The following NKD1 variants were observed in gnomAD, a reference collection of about 807,000 sequenced individuals.
The protein encoded by NKD1 is protein naked cuticle homolog 1.
Under a neutral mutation model 56.0 loss-of-function variants are expected in NKD1, and 21 were observed. The ratio of observed to expected loss-of-function variants is 0.38; its 90% CI spans 0.27 to 0.54. The LOEUF is 0.54. Ranked by LOEUF, NKD1 falls within the 20% of genes least tolerant of loss-of-function variation. The pLI is 0.82. For synonymous variants in NKD1, 263 were observed against 265.7 expected, an observed-to-expected ratio of 0.99 and a Z score of 0.10; for missense variants, 578 against 642.7, an observed-to-expected ratio of 0.90 and a Z score of 1.09.
In NKD1 at chr16:50,568,964, G is replaced by T. The variant is rs541995848; in HGVS notation, c.192+19409G>T. Among the ~76,000 whole-genome samples, 54 of 152,288 alleles carry T rather than the reference G, an allele frequency of 3.5e-4. No individual in the cohort carries two copies. The South Asian group carries it at 0.011, about 32-fold the overall frequency. On this transcript the variant is annotated intron_variant, in intron 3 of 9. Coordinates refer to ENST00000268459, the MANE Select transcript of NKD1 (RefSeq NM_033119.5). The stretch of plus-strand genomic sequence containing the variant: ...TTGCTTCTGACCATAATCCCTTTAA[G>T]TTGGGCAGTTGGAGAAGGTTGATTT...
rs898586277 is a variant in NKD1, at chr16:50,598,715, G to T, written c.193-9579G>T. Among the ~76,000 whole-genome samples the T allele has an allele frequency of 1.2e-4, 18 of 152,344 alleles. No individual in the cohort carries two copies. Among genetic ancestry groups the T allele is most frequent in the African/African-American group, 4.1e-4 (17 of 41,590 alleles). On this transcript the variant is annotated intron_variant, in intron 3 of 9. Coordinates refer to ENST00000268459, the MANE Select transcript of NKD1 (RefSeq NM_033119.5). This position sits in a 1 kb window ranked among gnomAD's most constrained non-coding sequence, Gnocchi z 4.2. The stretch of plus-strand genomic sequence containing the variant: ...CCTCTTATCAGCACTCGGCTGTGTG[G>T]CGTGGCGGGCCAGTGGCTGGGCTAG...
intron 3 of NKD1, among the ~76,000 whole-genome samples, chr16:50,585,322 G>C (rs1410650202): frequency 6.6e-6 from 1 of 152,206 alleles, no homozygotes; most frequent in Non-Finnish European, 1.5e-5. Flanking sequence ...CCAATTCCTG[G>C]GCTCAGGGGC....
At position 50,643,892 on chromosome 16, in the gene NKD1, T is replaced by C. The variant is rs1962627672; in HGVS notation, c.*10111T>C. ...CTGCAAGGCATATCAGAGCCTTCTG[T>C]GCTTAAGAGCACAAGATGGCACTTC... On this transcript the variant is annotated 3_prime_UTR_variant, in exon 10 of 10. Coordinates refer to ENST00000268459, the MANE Select transcript of NKD1 (RefSeq NM_033119.5). The C allele has an allele frequency of 6.6e-6, 1 of 152,288 alleles. No individual in the cohort carries two copies. Among genetic ancestry groups the C allele is most frequent in the Admixed American group, 6.5e-5 (1 of 15,292 alleles). The allele number at this position is 152,288 out of a possible 1,614,324, so 9.4% of individuals were successfully genotyped here. A position where few individuals can be genotyped will look rare whatever the true frequency, so the allele number is the denominator to read the frequency against.
chr16:50,580,666 C>G (rs1443902325), intron 3 of NKD1, among the ~76,000 whole-genome samples: 1 of 152,180 alleles, frequency 6.6e-6, no homozygotes, highest in African/African-American at 2.4e-5. Context: ...CAATTTGAGC[C>G]AACATTTAAA....
At chr16:50,617,181 C>T (rs1961980442) in intron 4 of NKD1, among the ~76,000 whole-genome samples, 1 of 152,122 alleles carries the variant, frequency 6.6e-6, no homozygotes, top group Admixed American at 6.5e-5. Context: ...CAAGGAGCCT[C>T]CCATTGGGCC....
At position 50,616,468 on chromosome 16, in the gene NKD1, C is replaced by A. The variant is rs111588688; in HGVS notation, c.260-5134C>A. On this transcript the variant is annotated intron_variant, in intron 4 of 9. Transcript: ENST00000268459. ...AACTCCCCACCTCCCCATGGCACTT[C>A]CCAGTCTCCATCAAGGCAGAAGGTA... Among the ~76,000 whole-genome samples, 340 of 152,316 alleles carry A rather than the reference C, an allele frequency of 2.2e-3. 1 individual carries two copies. The highest frequency in any genetic ancestry group is 7.6e-3 in the African/African-American group (315 of 41,580).
At position 50,635,990 on chromosome 16, in the gene NKD1, A is replaced by G. The variant is rs996976552; in HGVS notation, c.*2209A>G. The G allele has an allele frequency of 2.0e-5, 3 of 152,262 alleles. No individual in the cohort carries two copies. The highest frequency in any genetic ancestry group is 4.4e-5 in the Non-Finnish European group (3 of 68,070). The allele number at this position is 152,262 out of a possible 1,614,324, so 9.4% of individuals were successfully genotyped here. On this transcript the variant is annotated 3_prime_UTR_variant, in exon 10 of 10. Coordinates refer to ENST00000268459, the MANE Select transcript of NKD1 (RefSeq NM_033119.5). This position sits in a 1 kb window ranked among gnomAD's most constrained non-coding sequence, Gnocchi z 4.1. ...GGATTGATAACTTGTACTCAACTAC[A>G]TGCTTTTGTCAGGGAACCCTGGCTG...
chr16:50,615,367 T>G (rs977649289), intron 4 of NKD1, among the ~76,000 whole-genome samples: 3 of 152,168 alleles, frequency 2.0e-5, no homozygotes, highest in Non-Finnish European at 4.4e-5. Flanking sequence ...GTATAGATAT[T>G]GGGCTGATGG....
At position 50,608,380 on chromosome 16, in the gene NKD1, C is replaced by T. The variant is rs1046647160; in HGVS notation, c.259+20C>T. 5 of 1,583,844 alleles carry T rather than the reference C, an allele frequency of 3.2e-6. No homozygotes were observed. The highest frequency in any genetic ancestry group is 3.5e-6 in the Non-Finnish European group (4 of 1,154,330). On this transcript the variant is annotated intron_variant, in intron 4 of 9. Coordinates refer to ENST00000268459, the MANE Select transcript of NKD1 (RefSeq NM_033119.5). ...TGGAAGGTATTCGGAGTCCATTGCT[C>T]TCTTCCCAGCAGCAGCGAGTGGGGG...
At chr16:50,626,752 G>A (rs1393562111) in intron 6 of NKD1, among the ~76,000 whole-genome samples, 1 of 151,864 alleles carries the variant, frequency 6.6e-6, no homozygotes, top group Non-Finnish European at 1.5e-5. Flanking sequence ...CCTCTCTGAT[G>A]ACCTGTCCCT....
At chr16:50,586,987 C>T (rs146002891) in intron 3 of NKD1, among the ~76,000 whole-genome samples, 75 of 152,356 alleles carry the variant, frequency 4.9e-4, no homozygotes, top group African/African-American at 1.7e-3. Context: ...TCTCTCAGGT[C>T]GTCGTGAGTT....
In NKD1 at chr16:50,598,005, G is replaced by A. The variant is rs1459566790; in HGVS notation, c.193-10289G>A. Among the ~76,000 whole-genome samples, 4 of 152,274 alleles carry A rather than the reference G, an allele frequency of 2.6e-5. No homozygotes were observed. Among genetic ancestry groups the A allele is most frequent in the East Asian group, 1.9e-4 (1 of 5,190 alleles). On this transcript the variant is annotated intron_variant, in intron 3 of 9. Transcript: ENST00000268459. The surrounding 1 kb of genome is among the most constrained non-coding windows in gnomAD (Gnocchi z 4.2). ...GGCAGTAGAGGGAGGAGGGCGCTCCGGGTGAAGGGGACAGGATGGTCCAGG... is the reference window on the plus strand; with the variant it reads ...GGCAGTAGAGGGAGGAGGGCGCTCCAGGTGAAGGGGACAGGATGGTCCAGG...
chr16:50,583,622 G>A (rs753114987), intron 3 of NKD1, among the ~76,000 whole-genome samples: 2 of 152,158 alleles, frequency 1.3e-5, no homozygotes, highest in Non-Finnish European at 2.9e-5. Flanking sequence ...GTTCAGGAGC[G>A]GTTTTTTTTA....
chr16:50,603,462 G>T (rs1330724886), intron 3 of NKD1, among the ~76,000 whole-genome samples: 1 of 152,226 alleles, frequency 6.6e-6, no homozygotes, highest in Non-Finnish European at 1.5e-5. Flanking sequence ...GGGTTACAGG[G>T]TGGCCTAGGC....
intron 3 of NKD1, among the ~76,000 whole-genome samples, chr16:50,589,702 CTCTTCTCTTCTCTTCTCTTCTCTT>C (rs1961308816): frequency 1.4e-4 from 3 of 21,194 alleles, no homozygotes; most frequent in African/African-American, 5.3e-4. Context: ...CTTTTCTCTT[CTCTTCTCTTCTCTTCTCTTCTCTT>C]CTCTTCTCTT....
intron 3 of NKD1, among the ~76,000 whole-genome samples, chr16:50,550,335 C>G (rs1047914850): frequency 6.6e-6 from 1 of 151,838 alleles, no homozygotes; most frequent in Admixed American, 6.6e-5. Flanking sequence ...GATGAATCAA[C>G]TTTTTGATGT....
At chr16:50,572,785 C>A in intron 3 of NKD1, 1 of 651,224 alleles carries the variant, frequency 1.5e-6, no homozygotes, top group Non-Finnish European at 1.9e-6. Context: ...CTGAGTCCGA[C>A]AGAGACAGAT....
intron 3 of NKD1, chr16:50,556,600 TC>T (rs1307285683): frequency 3.9e-5 from 6 of 152,356 alleles, no homozygotes; most frequent in African/African-American, 1.4e-4. Context: ...TGAGAGGGCT[TC>T]ACATTGGTGT....
intron 3 of NKD1, among the ~76,000 whole-genome samples, chr16:50,604,733 A>G (rs1311275722): frequency 6.6e-6 from 1 of 152,214 alleles, no homozygotes; most frequent in Non-Finnish European, 1.5e-5. Context: ...AGGGGCTTCC[A>G]GTGGCGCCGT....
Sources: allele counts gnomAD v4.1 joint callset (sites outside exome capture counted in the v4.1 genomes callset), GRCh38; gene constraint gnomAD v4.1.1; non-coding constraint Gnocchi (gnomAD v3.1); transcripts MANE v1.5; gene names NCBI Gene and HGNC (gene_info 2026-07-23, HGNC 2026-07-21).